The following COL22A1 variants were observed in gnomAD, a reference collection of about 807,000 sequenced individuals.
COL22A1 encodes collagen alpha-1(XXII) chain.
COL22A1 carries 221 observed loss-of-function variants against 248.9 expected under a neutral mutation model. The ratio of observed to expected loss-of-function variants is 0.89; its 90% CI spans 0.80 to 0.99. COL22A1 has a LOEUF of 0.99. Ranked by LOEUF, COL22A1 falls within the 50% of genes least tolerant of loss-of-function variation. The pLI is 0.00. For missense variants in COL22A1, 2,240 were observed against 2,179.0 expected, an observed-to-expected ratio of 1.03 and a Z score of -0.56; for synonymous variants, 891 against 793.4, an observed-to-expected ratio of 1.12 and a Z score of -2.07.
chr8:138,767,719 T>A (rs190414909), intron 16 of COL22A1, among the ~76,000 whole-genome samples: 10 of 152,288 alleles, frequency 6.6e-5, no homozygotes, highest in African/African-American at 2.2e-4. Context: ...CCGGTCTCCA[T>A]CCTGGCTGCA....
At chr8:138,662,270 G>A (rs1216993827) in intron 42 of COL22A1, among the ~76,000 whole-genome samples, 187 bp from the exon 43 acceptor site, 1 of 152,156 alleles carries the variant, frequency 6.6e-6, no homozygotes, top group African/African-American at 2.4e-5. Context: ...GGAGGTATGT[G>A]CTCGACACAC....
intron 32 of COL22A1, among the ~76,000 whole-genome samples, chr8:138,699,380 G>A (rs1367062828): frequency 6.6e-6 from 1 of 152,206 alleles, no homozygotes; most frequent in Admixed American, 6.5e-5. Context: ...AGCTGAAATG[G>A]ACATCTACCT....
chr8:138,752,578 C>T (rs796372628), intron 21 of COL22A1, among the ~76,000 whole-genome samples: 15 of 152,198 alleles, frequency 9.9e-5, no homozygotes, highest in African/African-American at 3.6e-4. Flanking sequence ...GATTTTTAAG[C>T]GTCAAGAAAT....
intron 56 of COL22A1, among the ~76,000 whole-genome samples, chr8:138,613,247 CAAAA>C (rs35361699): frequency 8.0e-6 from 1 of 124,362 alleles, no homozygotes; most frequent in Non-Finnish European, 1.6e-5. Flanking sequence ...GACTCCGTTT[CAAAA>C]AAAAAAAAAA....
intron 3 of COL22A1, among the ~76,000 whole-genome samples, chr8:138,869,156 G>T (rs981136051): frequency 6.6e-6 from 1 of 152,146 alleles, no homozygotes; most frequent in African/African-American, 2.4e-5. Context: ...CAGAGGCTGT[G>T]GTTTAACCAG....
Position 138,688,956 on chromosome 8 carries a change from G to A in COL22A1, c.2823C>T (p.Leu941=), listed in dbSNP as rs777935201. The change falls in exon 37 of 65, where the codon CTC becomes CTT. Residue 941 remains leucine (L), a synonymous_variant. Coordinates refer to ENST00000303045, the MANE Select transcript of COL22A1 (RefSeq NM_152888.3). ...CCCCATCTTTCCCTGGGGTGCCTCT[G>A]AGGCCGGGAGCACCCTGTGGCAAGG... The part of the protein sequence containing the change: ...GPPGSVGAPG[L]RGTPGKDGER... 3 of 1,613,416 alleles carry A rather than the reference G, an allele frequency of 1.9e-6. No homozygotes were observed. The highest frequency in any genetic ancestry group is 1.6e-4 in the Middle Eastern group (1 of 6,062).
At chr8:138,661,048 A>ATG (rs1564159218) in intron 43 of COL22A1, among the ~76,000 whole-genome samples, 2 of 149,176 alleles carry the variant, frequency 1.3e-5, no homozygotes, top group African/African-American at 5.0e-5. Flanking sequence ...AGACACACAC[A>ATG]CACACGCACA....
At chr8:138,806,809 C>T (rs1817769025) in intron 10 of COL22A1, among the ~76,000 whole-genome samples, 2 of 152,172 alleles carry the variant, frequency 1.3e-5, no homozygotes, top group South Asian at 2.1e-4. Context: ...ACAGCAGATG[C>T]AGTCATTGTC....
At chr8:138,728,690 A>G (rs903059147) in intron 23 of COL22A1, among the ~76,000 whole-genome samples, 30 of 152,060 alleles carry the variant, frequency 2.0e-4, no homozygotes, top group Admixed American at 1.9e-3. Context: ...TCCTTGTCTG[A>G]CAATGAAGAA....
chr8:138,693,822 C>A, intron 34 of COL22A1, 123 bp from the exon 35 acceptor site: 1 of 939,858 alleles, frequency 1.1e-6, no homozygotes, highest in South Asian at 1.4e-5. Flanking sequence ...TGAAGGGGCC[C>A]GGGAGCACCG....
At position 138,676,570 on chromosome 8, in the gene COL22A1, A is replaced by G. The variant is rs1191404242; in HGVS notation, c.3138T>C (p.Val1046=). 1 of 1,564,922 alleles carries G rather than the reference A, an allele frequency of 6.4e-7. No homozygotes were observed. Among genetic ancestry groups the G allele is most frequent in the East Asian group, 2.3e-5 (1 of 42,838 alleles). The change falls in exon 41 of 65, where the codon GTT becomes GTC. Residue 1046 remains valine (V), a synonymous_variant. Coordinates refer to ENST00000303045, the MANE Select transcript of COL22A1 (RefSeq NM_152888.3). ...AATAAAGACTTACAGGAGGGCCAGC[A>G]ACCCCAATGCCTGGGTCACCACGGC... The part of the protein sequence containing the change: ...PGSRGDPGIG[V]AGPPGPSGPP...
intron 12 of COL22A1, among the ~76,000 whole-genome samples, chr8:138,793,092 T>C (rs1216237317): frequency 6.6e-6 from 1 of 152,104 alleles, no homozygotes; most frequent in South Asian, 2.1e-4. Flanking sequence ...TAATTACAAT[T>C]CCAAATATAT....
intron 25 of COL22A1, 172 bp from the exon 26 acceptor site, chr8:138,722,261 C>G: frequency 1.7e-6 from 1 of 601,506 alleles, no homozygotes; most frequent in South Asian, 2.1e-5. Context: ...CTCTGTCTGA[C>G]CACATTTCCC....
chr8:138,632,367 G>A (rs1159812621), intron 49 of COL22A1, among the ~76,000 whole-genome samples: 1 of 152,168 alleles, frequency 6.6e-6, no homozygotes, highest in Non-Finnish European at 1.5e-5. Flanking sequence ...TTGAGAAAAT[G>A]GAATTCATGA....
intron 42 of COL22A1, among the ~76,000 whole-genome samples, 184 bp downstream of exon 42, chr8:138,663,521 A>T (rs1384484866): frequency 6.6e-6 from 1 of 152,166 alleles, no homozygotes; most frequent in Non-Finnish European, 1.5e-5. Context: ...CTCTGCTCAT[A>T]TGTACATCTA....
intron 1 of COL22A1, among the ~76,000 whole-genome samples, chr8:138,889,495 T>C (rs962294301): frequency 2.0e-5 from 3 of 151,822 alleles, no homozygotes; most frequent in African/African-American, 4.8e-5. Context: ...TTCTCACTCA[T>C]AGATGGGAAT....
intron 60 of COL22A1, among the ~76,000 whole-genome samples, chr8:138,600,084 C>T (rs1038864407): frequency 9.9e-5 from 15 of 152,214 alleles, no homozygotes; most frequent in Admixed American, 5.9e-4. Flanking sequence ...GCCTAGGGCT[C>T]ATCTCTCCCC....
intron 10 of COL22A1, among the ~76,000 whole-genome samples, chr8:138,805,493 G>GTGTGTGTGA (rs1491099272): frequency 2.4e-4 from 22 of 92,368 alleles, no homozygotes; most frequent in Non-Finnish European, 1.3e-4. Flanking sequence ...GCATGTGATG[G>GTGTGTGTGA]TGTGTGTGTG....
intron 12 of COL22A1, among the ~76,000 whole-genome samples, chr8:138,785,550 T>C (rs1056634048): frequency 2.2e-4 from 33 of 152,178 alleles, no homozygotes; most frequent in African/African-American, 6.8e-4. Flanking sequence ...CCACTTACGA[T>C]GGCACGCCCT....
Sources: allele counts gnomAD v4.1 joint callset (sites outside exome capture counted in the v4.1 genomes callset), GRCh38; gene constraint gnomAD v4.1.1; transcripts MANE v1.5; gene names NCBI Gene and HGNC (gene_info 2026-07-23, HGNC 2026-07-21).